RAD54L2: variants seen among roughly 807,000 people sequenced by gnomAD.
RAD54L2 encodes the protein helicase ARIP4.
RAD54L2 carries 27 observed loss-of-function variants against 138.4 expected under a neutral mutation model. The ratio of observed to expected loss-of-function variants is 0.20; its 90% CI spans 0.14 to 0.27. The LOEUF (loss-of-function observed/expected upper bound fraction) is 0.27. Among genes scored for constraint, RAD54L2 ranks in the 10% least tolerant of loss-of-function variants. The pLI, the probability that RAD54L2 is intolerant of heterozygous loss-of-function variation, is 1.00. For missense variants in RAD54L2, 1,396 were observed against 1,890.2 expected, an observed-to-expected ratio of 0.74 and a Z score of 4.85; for synonymous variants, 644 against 723.2, an observed-to-expected ratio of 0.89 and a Z score of 1.76.
intron 3 of RAD54L2, among the ~76,000 whole-genome samples, chr3:51,595,054 C>T (rs992039067): frequency 1.3e-5 from 2 of 151,696 alleles, no homozygotes; most frequent in Non-Finnish European, 2.9e-5. Context: ...TCAGTAGAGA[C>T]AGAGTTTTAC....
At chr3:51,654,719 GAGA>G (rs1424791041) in intron 19 of RAD54L2, among the ~76,000 whole-genome samples, 2 of 152,122 alleles carry the variant, frequency 1.3e-5, no homozygotes, top group East Asian at 3.9e-4. Context: ...GCCACATGGA[GAGA>G]AGATGTGACA....
intron 3 of RAD54L2, among the ~76,000 whole-genome samples, chr3:51,591,612 C>T (rs1433895379): frequency 6.6e-6 from 1 of 152,170 alleles, no homozygotes; most frequent in Non-Finnish European, 1.5e-5. Context: ...CACTTTTATC[C>T]CTCCAGTAGC....
At chr3:51,632,282 A>G (rs1700864973) in intron 7 of RAD54L2, among the ~76,000 whole-genome samples, 1 of 152,046 alleles carries the variant, frequency 6.6e-6, no homozygotes, top group Non-Finnish European at 1.5e-5. Flanking sequence ...TCAGCTTAAA[A>G]ACTCTTCTGT....
Position 51,645,160 on chromosome 3 carries a change from C to T in RAD54L2, c.2587C>T (p.Arg863Cys). 6.2e-7 allele frequency: 1 copy of T among 1,613,908 alleles called. No individual in the cohort carries two copies. The highest frequency in any genetic ancestry group is 8.5e-7 in the Non-Finnish European group (1 of 1,179,858). Residue 863 changes from arginine to cysteine, a missense_variant, in exon 17 of 23, where the codon CGC becomes TGC. Coordinates refer to ENST00000684192, the MANE Select transcript of RAD54L2 (RefSeq NM_015106.4). This position sits in a 1 kb window ranked among gnomAD's most constrained non-coding sequence, Gnocchi z 6.1. ...YGQKKPCYIY[R>C]LVADYTLEKK... ...CCAGAAAAAGCCCTGTTACATCTAT[C>T]GCCTTGTGGCTGATTACACTCTAGA... is the stretch of plus-strand genomic sequence containing the variant.
intron 3 of RAD54L2, among the ~76,000 whole-genome samples, chr3:51,623,980 C>CAAAAA (rs35064930): frequency 1.6e-4 from 12 of 74,020 alleles, no homozygotes; most frequent in South Asian, 4.4e-4. Flanking sequence ...CTCCGTCTCA[C>CAAAAA]AAAAAAAAAA....
chr3:51,568,851 C>T (rs1375903931), intron 2 of RAD54L2, among the ~76,000 whole-genome samples: 1 of 152,118 alleles, frequency 6.6e-6, no homozygotes, highest in East Asian at 1.9e-4. Context: ...TTTATATTAT[C>T]ATATGTTTTA....
rs1274018383 is a variant in RAD54L2, at chr3:51,657,671, T to C, written c.3316+2T>C. 4 of 1,554,358 alleles carry C rather than the reference T, an allele frequency of 2.6e-6. No homozygotes were observed. ...TCCACATCATCCGTGGGACAAAAGG[T>C]AAGAGCCTGACCAAGGACCTGTTCC... is the stretch of plus-strand genomic sequence containing the variant. On this transcript the variant is annotated splice_donor_variant, in intron 21 of 22. Coordinates refer to ENST00000684192, the MANE Select transcript of RAD54L2 (RefSeq NM_015106.4). LOFTEE classifies it high-confidence loss of function.
intron 20 of RAD54L2, 21 bp downstream of exon 20, chr3:51,656,191 TGGC>T (rs1248603510): frequency 6.4e-7 from 1 of 1,565,240 alleles, no homozygotes; most frequent in Non-Finnish European, 8.7e-7. Flanking sequence ...CTGGGCTCTG[TGGC>T]AGAGCTGCTG....
chr3:51,645,320 C>G lies in RAD54L2; in HGVS notation c.2656+91C>G. 1 of 1,314,630 alleles carries G rather than the reference C, an allele frequency of 7.6e-7. No homozygotes were observed. Among genetic ancestry groups the G allele is most frequent in the Non-Finnish European group, 1.1e-6 (1 of 942,748 alleles). 81.4% of individuals were successfully genotyped at this position (1,314,630 alleles called of 1,614,324 possible). ...GTGGGAGAGGAGCAGGATATGGGAA[C>G]ACAGGCAGGCTTCGAGAAAGCCAGC... On this transcript the variant is annotated intron_variant, in intron 17 of 22. Transcript: ENST00000684192. This position sits in a 1 kb window ranked among gnomAD's most constrained non-coding sequence, Gnocchi z 6.1.
rs1249149639 is a variant in RAD54L2 at position 51,645,998 on chromosome 3, GTCT to G, written c.2829+240_2829+242del. 6.6e-6 allele frequency among the ~76,000 whole-genome samples: 1 copy of G among 152,164 alleles called. No homozygotes were observed. Among genetic ancestry groups the G allele is most frequent in the Non-Finnish European group, 1.5e-5 (1 of 68,030 alleles). Reference sequence around the variant, plus strand: ...CCATGTATAGTAATTTGGCCAGTGAGTCTTCTTAGCAGAAAGAGAGGGGGAAAG... The same window carrying G: ...CCATGTATAGTAATTTGGCCAGTGAGTCTTAGCAGAAAGAGAGGGGGAAAG... On this transcript the variant is annotated intron_variant, in intron 18 of 22. Transcript: ENST00000684192. The surrounding 1 kb of genome is among the most constrained non-coding windows in gnomAD (Gnocchi z 6.1).
rs533945819 is a variant in RAD54L2, at chr3:51,649,588, C to T, written c.3026+3107C>T. Among the ~76,000 whole-genome samples the T allele has an allele frequency of 4.6e-5, 7 of 152,326 alleles. No homozygotes were observed. The South Asian group carries it at 1.5e-3, about 32-fold the overall frequency. On this transcript the variant is annotated intron_variant, in intron 19 of 22. Coordinates refer to ENST00000684192, the MANE Select transcript of RAD54L2 (RefSeq NM_015106.4). ...CACAAAGGGAAGCCCATCAGACTAA[C>T]AGTGGATCTCTTGGCAGAAACTCTA...
At position 51,657,540 on chromosome 3, in the gene RAD54L2, G is replaced by A. The variant is rs774499727; in HGVS notation, c.3227-40G>A. On this transcript the variant is annotated intron_variant, in intron 20 of 22. Coordinates refer to ENST00000684192, the MANE Select transcript of RAD54L2 (RefSeq NM_015106.4). ...CAATTTTCCCCCCTCCTTCAGTCAGGCCCCGTGCAATCTAAATTTAAGATC... is the reference window on the plus strand; with the variant it reads ...CAATTTTCCCCCCTCCTTCAGTCAGACCCCGTGCAATCTAAATTTAAGATC... 2.9e-6 allele frequency: 4 copies of A among 1,368,586 alleles called. No homozygotes were observed. The East Asian group carries it at 7.5e-5, about 26-fold the overall frequency. The allele number at this position is 1,368,586 out of a possible 1,614,324, so 84.8% of individuals were successfully genotyped here.
chr3:51,603,918 A>G (rs755292317), intron 3 of RAD54L2, among the ~76,000 whole-genome samples: 9 of 152,154 alleles, frequency 5.9e-5, no homozygotes, highest in Non-Finnish European at 1.2e-4. Flanking sequence ...CAGAGGAGTG[A>G]CACAATCTGA....
intron 2 of RAD54L2, among the ~76,000 whole-genome samples, chr3:51,584,898 C>T (rs576637145): frequency 1.4e-4 from 22 of 151,890 alleles, no homozygotes; most frequent in Middle Eastern, 3.4e-3. Context: ...CTTAACCTCC[C>T]GGGCTCAAGT....
chr3:51,584,283 G>A (rs1262870072), intron 2 of RAD54L2, among the ~76,000 whole-genome samples: 1 of 152,150 alleles, frequency 6.6e-6, no homozygotes, highest in Non-Finnish European at 1.5e-5. Flanking sequence ...CTGGTCCTTC[G>A]AGTCTTGAAT....
At chr3:51,613,817 G>GT (rs1700386943) in intron 3 of RAD54L2, among the ~76,000 whole-genome samples, 1 of 148,222 alleles carries the variant, frequency 6.7e-6, no homozygotes, top group African/African-American at 2.5e-5. Flanking sequence ...TGATTGTTTT[G>GT]TTACTACTGT....
intron 2 of RAD54L2, among the ~76,000 whole-genome samples, chr3:51,573,276 A>G (rs1699382327): frequency 6.6e-6 from 1 of 152,108 alleles, no homozygotes; most frequent in African/African-American, 2.4e-5. Flanking sequence ...AGATGGTTCT[A>G]GTTCCTGCTG....
intron 3 of RAD54L2, among the ~76,000 whole-genome samples, chr3:51,606,058 G>A (rs887053220): frequency 1.8e-4 from 27 of 152,332 alleles, no homozygotes; most frequent in Non-Finnish European, 3.2e-4. Context: ...AGAGCACTGC[G>A]ATTTTGAGGC....
In RAD54L2 at chr3:51,662,694, A is replaced by G. The variant is rs778286109; in HGVS notation, c.3678A>G (p.Leu1226=). 1 of 1,613,850 alleles carries G rather than the reference A, an allele frequency of 6.2e-7. No individual in the cohort carries two copies. Among genetic ancestry groups the G allele is most frequent in the Non-Finnish European group, 8.5e-7 (1 of 1,179,846 alleles). Residue 1226 remains leucine, a synonymous_variant, in exon 23 of 23, where the codon CTA becomes CTG. Coordinates refer to ENST00000684192, the MANE Select transcript of RAD54L2 (RefSeq NM_015106.4). This position sits in a 1 kb window ranked among gnomAD's most constrained non-coding sequence, Gnocchi z 4.6. ...PGTALGTEPR[L]GGHCLNSSLL... ...CAGCTCTCGGAACTGAGCCTCGACT[A>G]GGGGGTCATTGCCTCAATAGTTCCC... is the stretch of plus-strand genomic sequence containing the variant.
Sources: allele counts gnomAD v4.1 joint callset (sites outside exome capture counted in the v4.1 genomes callset), GRCh38; gene constraint gnomAD v4.1.1; non-coding constraint Gnocchi (gnomAD v3.1); transcripts MANE v1.5; gene names NCBI Gene and HGNC (gene_info 2026-07-23, HGNC 2026-07-21).